TMEM170B: variants seen among roughly 807,000 people sequenced by gnomAD.
TMEM170B encodes the protein transmembrane protein 170B.
A neutral mutation model predicts 13.0 loss-of-function variants in TMEM170B; 6 were observed. The ratio of observed to expected loss-of-function variants is 0.46; its 90% CI spans 0.25 to 0.91. The LOEUF (loss-of-function observed/expected upper bound fraction) is 0.91. Ranked by LOEUF, TMEM170B falls within the 40% of genes least tolerant of loss-of-function variation. The probability of loss-of-function intolerance (pLI) is 0.17; values close to 1 mark genes in which losing one functional copy is unlikely to be tolerated. For synonymous variants in TMEM170B, 61 were observed against 64.9 expected, an observed-to-expected ratio of 0.94 and a Z score of 0.29; for missense variants, 138 against 165.2, an observed-to-expected ratio of 0.84 and a Z score of 0.90.
chr6:11,571,315 C>A (rs998495337), intron 2 of TMEM170B, among the ~76,000 whole-genome samples: 1 of 151,968 alleles, frequency 6.6e-6, no homozygotes. Context: ...CCTCCTGAGT[C>A]GCTAGGACCA....
chr6:11,567,524 C>A (rs1284440869), intron 2 of TMEM170B, among the ~76,000 whole-genome samples: 1 of 152,174 alleles, frequency 6.6e-6, no homozygotes, highest in East Asian at 1.9e-4. Context: ...AGCCCTACTC[C>A]CATGTTCCTG....
At chr6:11,563,662 A>G (rs1759699151) in intron 1 of TMEM170B, among the ~76,000 whole-genome samples, 2 of 152,110 alleles carry the variant, frequency 1.3e-5, no homozygotes, top group Admixed American at 1.3e-4. Flanking sequence ...TTACTGGTTG[A>G]TTTTAAAGGT....
intron 1 of TMEM170B, among the ~76,000 whole-genome samples, chr6:11,541,594 G>T (rs1344310287): frequency 6.6e-6 from 1 of 152,140 alleles, no homozygotes; most frequent in Admixed American, 6.5e-5. Flanking sequence ...AGAGCAGTCT[G>T]TTTTGCTTTC....
chr6:11,550,233 C>T (rs1054590113), intron 1 of TMEM170B, among the ~76,000 whole-genome samples: 3 of 149,948 alleles, frequency 2.0e-5, no homozygotes, highest in African/African-American at 4.9e-5. Context: ...AGTGCTGTGG[C>T]GCAGTCTTGG....
At chr6:11,542,916 A>G (rs1417391060) in intron 1 of TMEM170B, among the ~76,000 whole-genome samples, 8 of 152,212 alleles carry the variant, frequency 5.3e-5, no homozygotes, top group African/African-American at 1.7e-4. Context: ...GTACATTTGA[A>G]AGGAAACTCA....
chr6:11,547,877 A>G (rs1336950902), intron 1 of TMEM170B, among the ~76,000 whole-genome samples: 4 of 152,180 alleles, frequency 2.6e-5, no homozygotes, highest in Admixed American at 6.5e-5. Context: ...AATATTAACT[A>G]TGATAATAAA....
In TMEM170B at chr6:11,580,829, T is replaced by C. The variant is rs1316840765; in HGVS notation, c.*5268T>C. On this transcript the variant is annotated 3_prime_UTR_variant, in exon 3 of 3. Transcript: ENST00000379426. ...GACTAGAAACTATACTGGATGAGTATGTATACTGCATGTTTACACATGCTG... is the reference window on the plus strand; with the variant it reads ...GACTAGAAACTATACTGGATGAGTACGTATACTGCATGTTTACACATGCTG... 1 of 152,234 alleles carries C rather than the reference T, an allele frequency of 6.6e-6. No individual in the cohort carries two copies. The highest frequency in any genetic ancestry group is 1.5e-5 in the Non-Finnish European group (1 of 68,048). The allele number at this position is 152,234 out of a possible 1,614,324, so 9.4% of individuals were successfully genotyped here.
chr6:11,555,139 A>G (rs1272703015), intron 1 of TMEM170B, among the ~76,000 whole-genome samples: 1 of 152,078 alleles, frequency 6.6e-6, no homozygotes, highest in African/African-American at 2.4e-5. Context: ...GTTTTGAAAG[A>G]CATTTCTGTT....
intron 1 of TMEM170B, among the ~76,000 whole-genome samples, chr6:11,557,082 TAAC>T (rs1759600319): frequency 6.6e-6 from 1 of 152,190 alleles, no homozygotes; most frequent in Admixed American, 6.5e-5. Context: ...GCTTGGTCTT[TAAC>T]AATCTGTAAA....
intron 1 of TMEM170B, among the ~76,000 whole-genome samples, chr6:11,557,344 A>G (rs1293364378): frequency 2.4e-4 from 36 of 152,246 alleles, no homozygotes; most frequent in Admixed American, 2.4e-3. Context: ...TAAATTCTAC[A>G]AAATCATGCA....
Position 11,576,326 on chromosome 6 carries a change from C to G in TMEM170B, c.*765C>G, listed in dbSNP as rs1561690732. 1 of 152,068 alleles carries G rather than the reference C, an allele frequency of 6.6e-6. No individual in the cohort carries two copies. The highest frequency in any genetic ancestry group is 1.5e-5 in the Non-Finnish European group (1 of 67,990). 9.4% of individuals were successfully genotyped at this position (152,068 alleles called of 1,614,324 possible). A position where few individuals can be genotyped will look rare whatever the true frequency, so the allele number is the denominator to read the frequency against. ...ATACAAATTCAGAAACTTGAAGGGT[C>G]ATACACATTGATTGTAGTTTGTGCG... is the stretch of plus-strand genomic sequence containing the variant. On this transcript the variant is annotated 3_prime_UTR_variant, in exon 3 of 3. Coordinates refer to ENST00000379426, the MANE Select transcript of TMEM170B (RefSeq NM_001100829.3).
intron 1 of TMEM170B, among the ~76,000 whole-genome samples, chr6:11,565,415 G>A (rs1345410808): frequency 6.6e-6 from 1 of 152,118 alleles, no homozygotes; most frequent in African/African-American, 2.4e-5. Flanking sequence ...ATGTAATAGG[G>A]GCATTTAGAA....
chr6:11,548,367 C>G (rs1202635161), intron 1 of TMEM170B, among the ~76,000 whole-genome samples: 4 of 152,132 alleles, frequency 2.6e-5, no homozygotes, highest in Admixed American at 2.6e-4. Flanking sequence ...AAATCAAAAC[C>G]ACAATGAGAT....
chr6:11,550,749 G>A (rs1463644935), intron 1 of TMEM170B, among the ~76,000 whole-genome samples: 1 of 152,172 alleles, frequency 6.6e-6, no homozygotes, highest in Non-Finnish European at 1.5e-5. Flanking sequence ...AACAGGCAGA[G>A]ATTATTTTGC....
chr6:11,576,440 A>G lies in TMEM170B; in HGVS notation c.*879A>G, dbSNP rs1582148432. The G allele has an allele frequency of 6.6e-6, 1 of 152,230 alleles. No homozygotes were observed. Among genetic ancestry groups the G allele is most frequent in the African/African-American group, 2.4e-5 (1 of 41,468 alleles). The allele number at this position is 152,230 out of a possible 1,614,324, so 9.4% of individuals were successfully genotyped here. A position where few individuals can be genotyped will look rare whatever the true frequency, so the allele number is the denominator to read the frequency against. On this transcript the variant is annotated 3_prime_UTR_variant, in exon 3 of 3. Coordinates refer to ENST00000379426, the MANE Select transcript of TMEM170B (RefSeq NM_001100829.3). ...GTTGCATTCTTTGACCCTTCTAAAG[A>G]AAGTTTTTGCCTTGTATCTCATGGA...
At chr6:11,544,686 A>T (rs1759407446) in intron 1 of TMEM170B, among the ~76,000 whole-genome samples, 1 of 152,218 alleles carries the variant, frequency 6.6e-6, no homozygotes, top group East Asian at 1.9e-4. Context: ...GAAACCCCGT[A>T]TCTGTCACTT....
At chr6:11,568,773 C>T (rs1340782088) in intron 2 of TMEM170B, among the ~76,000 whole-genome samples, 1 of 152,120 alleles carries the variant, frequency 6.6e-6, no homozygotes, top group Non-Finnish European at 1.5e-5. Flanking sequence ...GTTGTGAATA[C>T]TAGTGCACTC....
Position 11,575,564 on chromosome 6 carries a change from T to A in TMEM170B, c.*3T>A, listed in dbSNP as rs780202345. The A allele has an allele frequency of 6.2e-7, 1 of 1,612,546 alleles. No individual in the cohort carries two copies. Among genetic ancestry groups the A allele is most frequent in the Non-Finnish European group, 8.5e-7 (1 of 1,179,136 alleles). On this transcript the variant is annotated 3_prime_UTR_variant, in exon 3 of 3. Transcript: ENST00000379426. The surrounding 1 kb of genome is among the most constrained non-coding windows in gnomAD (Gnocchi z 4.1). Reference sequence around the variant, plus strand: ...CAAGGATCCTCGCTACACTTTGAGGTTTCTGTGGGAATGTCTTACTTCACA... The same window carrying A: ...CAAGGATCCTCGCTACACTTTGAGGATTCTGTGGGAATGTCTTACTTCACA...
Position 11,575,407 on chromosome 6 carries a change from C to A in TMEM170B, c.269-24C>A. The A allele has an allele frequency of 6.2e-7, 1 of 1,612,874 alleles. No homozygotes were observed. The highest frequency in any genetic ancestry group is 2.2e-5 in the East Asian group (1 of 44,874). On this transcript the variant is annotated intron_variant, in intron 2 of 2. Coordinates refer to ENST00000379426, the MANE Select transcript of TMEM170B (RefSeq NM_001100829.3). The surrounding 1 kb of genome is among the most constrained non-coding windows in gnomAD (Gnocchi z 4.1). ...TATAAAACGAGTGACTGTATCCCTTCATTTTTCTCCCGTTTCTCCTTAGGT... is the reference window on the plus strand; with the variant it reads ...TATAAAACGAGTGACTGTATCCCTTAATTTTTCTCCCGTTTCTCCTTAGGT...
Sources: gnomAD v4.1 joint callset for allele counts (sites outside exome capture counted in the v4.1 genomes callset) on GRCh38, gnomAD v4.1.1 for gene constraint, Gnocchi (gnomAD v3.1) non-coding constraint, MANE v1.5 for transcripts, NCBI Gene and HGNC (gene_info 2026-07-23, HGNC 2026-07-21) for gene names.